Variants in TBXT observed in about 807,000 individuals in gnomAD.
The protein encoded by TBXT is T brachyury transcription factor.
A neutral mutation model predicts 41.1 loss-of-function variants in TBXT; 19 were observed. That is an observed-to-expected ratio of 0.46 (90% CI 0.32 to 0.68). The LOEUF is 0.68. TBXT is among the 30% of genes least tolerant of loss of function. TBXT has a pLI of 0.03. For synonymous variants in TBXT, 213 were observed against 238.9 expected (o/e 0.89, Z 1.00); for missense variants, 536 against 582.0 (o/e 0.92, Z 0.81).
At chr6:166,165,262 G>A (rs937606434) in intron 3 of TBXT, among the ~76,000 whole-genome samples, 8 of 152,152 alleles carry the variant, frequency 5.3e-5, no homozygotes, top group Non-Finnish European at 1.0e-4. Flanking sequence ...GTTGGGCTTA[G>A]GCATAGATTT....
At position 166,167,840 on chromosome 6, in the gene TBXT, G is replaced by T; in HGVS notation, c.-249C>A. 1 of 583,118 alleles carries T rather than the reference G, an allele frequency of 1.7e-6. No individual in the cohort carries two copies. Among genetic ancestry groups the T allele is most frequent in the Non-Finnish European group, 3.1e-6 (1 of 326,380 alleles). 36.1% of individuals were successfully genotyped at this position (583,118 alleles called of 1,614,324 possible). On this transcript the variant is annotated 5_prime_UTR_variant, in exon 1 of 8. Coordinates refer to ENST00000366876, the MANE Select transcript of TBXT (RefSeq NM_001366285.2). Reference sequence around the variant, plus strand: ...ACTTGAACTCCCCAAGGCTCTACTAGTGTAGGTCTCTGGGGACCGAAATTC... The same window carrying T: ...ACTTGAACTCCCCAAGGCTCTACTATTGTAGGTCTCTGGGGACCGAAATTC...
rs762562087 is a variant in TBXT, at chr6:166,167,471, C to A, written c.121G>T (p.Glu41Ter). The change falls in exon 1 of 8, where the codon GAA becomes TAA. Residue 41 changes from glutamate (E) to a stop codon, truncating the protein, a stop_gained. Transcript: ENST00000366876. LOFTEE classifies it high-confidence loss of function. The part of the protein sequence containing the change: ...GSEKGDPTER[E>*]LRVGLEESEL... The stretch of plus-strand genomic sequence containing the variant: ...CTCTCCTCCAGGCCCACGCGCAGTT[C>A]GCGCTCTGTGGGGTCGCCCTTCTCG... 6.2e-7 allele frequency: 1 copy of A among 1,612,392 alleles called. No individual in the cohort carries two copies. The highest frequency in any genetic ancestry group is 8.5e-7 in the Non-Finnish European group (1 of 1,179,940).
intron 4 of TBXT, 56 bp downstream of exon 4, chr6:166,164,744 T>A (rs1779062565): frequency 6.2e-7 from 1 of 1,606,540 alleles, no homozygotes; most frequent in Admixed American, 1.7e-5. Context: ...GCAGCAATAT[T>A]TCATCTTTCT....
At chr6:166,164,990 T>C in intron 3 of TBXT, 129 bp from the exon 4 acceptor site, 1 of 778,764 alleles carries the variant, frequency 1.3e-6, no homozygotes, top group Non-Finnish European at 2.1e-6. Flanking sequence ...TCTTTCCACA[T>C]ACAGTTTTCT....
At chr6:166,165,643 T>TCCACGGAGCAGCACA (rs965985397) in intron 3 of TBXT, 63 bp downstream of exon 3, 2 of 1,611,756 alleles carry the variant, frequency 1.2e-6, no homozygotes, top group Admixed American at 3.3e-5. Flanking sequence ...CTCCAGAATC[T>TCCACGGAGCAGCACA]CCACGGAGCA....
chr6:166,166,442 A>C, intron 2 of TBXT, 150 bp downstream of exon 2: 7 of 1,214,248 alleles, frequency 5.8e-6, no homozygotes, highest in South Asian at 1.4e-5. Flanking sequence ...AAACAGCGCT[A>C]AAGGCCTTAT....
At chr6:166,162,311 TA>T in intron 6 of TBXT, 135 bp downstream of exon 6, 3 of 953,412 alleles carry the variant, frequency 3.1e-6, no homozygotes, top group Non-Finnish European at 4.8e-6. Context: ...CTTGAGCTAC[TA>T]AAAAACTGGG....
At chr6:166,165,534 T>C (rs1779082821) in intron 3 of TBXT, among the ~76,000 whole-genome samples, 172 bp downstream of exon 3, 1 of 152,240 alleles carries the variant, frequency 6.6e-6, no homozygotes, top group South Asian at 2.1e-4. Flanking sequence ...GGACTTAATT[T>C]AAACAGTTCT....
At chr6:166,163,610 C>T (rs1158259548) in intron 5 of TBXT, among the ~76,000 whole-genome samples, 1 of 152,212 alleles carries the variant, frequency 6.6e-6, no homozygotes, top group African/African-American at 2.4e-5. Context: ...CTCTAACTCC[C>T]TGATCTCAAA....
At chr6:166,162,311 T>A in intron 6 of TBXT, 136 bp downstream of exon 6, 1 of 953,420 alleles carries the variant, frequency 1.0e-6, no homozygotes, top group Non-Finnish European at 1.6e-6. Flanking sequence ...CTTGAGCTAC[T>A]AAAAAACTGG....
intron 5 of TBXT, among the ~76,000 whole-genome samples, chr6:166,164,297 G>A (rs1779045266): frequency 6.6e-6 from 1 of 152,010 alleles, no homozygotes; most frequent in South Asian, 2.1e-4. Context: ...TTCTCCTGTT[G>A]CCTACCTAAT....
At position 166,167,415 on chromosome 6, in the gene TBXT, G is replaced by C; in HGVS notation, c.177C>G (p.Thr59=). ...CGTTCTTGGTCACGATCATCTCATT[G>C]GTGAGCTCCTTGAAGCGCAGCCACA... is the stretch of plus-strand genomic sequence containing the variant. ...SELWLRFKEL[T]NEMIVTKNGR... Residue 59 remains threonine (T), a synonymous_variant, in exon 1 of 8, where the codon ACC becomes ACG. Transcript: ENST00000366876. The C allele has an allele frequency of 6.2e-7, 1 of 1,613,200 alleles. No homozygotes were observed. The highest frequency in any genetic ancestry group is 1.1e-5 in the South Asian group (1 of 91,086).
rs569956235 is a variant in TBXT, at chr6:166,165,580, T to C, written c.606+126A>G. The stretch of plus-strand genomic sequence containing the variant: ...TCCATTTCAAGTTCCGGAATATTAT[T>C]TGAAAGGGCAGGAAGCCTTCCTCTC... On this transcript the variant is annotated intron_variant, in intron 3 of 7. Transcript: ENST00000366876. The C allele has an allele frequency of 7.2e-5, 104 of 1,452,772 alleles. No individual in the cohort carries two copies. The African/African-American group carries it at 1.1e-3, about 16-fold the overall frequency. 90.0% of individuals were successfully genotyped at this position (1,452,772 alleles called of 1,614,324 possible). A position where few individuals can be genotyped will look rare whatever the true frequency, so the allele number is the denominator to read the frequency against.
intron 7 of TBXT, among the ~76,000 whole-genome samples, chr6:166,158,974 G>T (rs3127330): frequency 0.76 from 116,150 of 152,092 alleles, 44,669 homozygotes; most frequent in East Asian, 0.89. Flanking sequence ...GGAGTTCAAG[G>T]CCAGCCTGAC....
rs754517228 is a variant in TBXT at position 166,166,836 on chromosome 6, T to C, written c.227A>G (p.Lys76Arg). The C allele has an allele frequency of 1.5e-5, 24 of 1,613,798 alleles. No individual in the cohort carries two copies. The South Asian group carries it at 2.5e-4, about 17-fold the overall frequency. Residue 76 changes from lysine to arginine, a missense_variant, in exon 2 of 8, where the codon AAG becomes AGG. Lys to Arg is a conservative substitution (Grantham distance 26). Transcript: ENST00000366876. Reference protein sequence around the residue: ...KNGRRMFPVLKVNVSGLDPNA... With the variant: ...KNGRRMFPVLRVNVSGLDPNA... ...GGGGTCCAGGCCAGACACGTTCACC[T>C]TCAGCACCGGAAACATCCTCCTGGA...
intron 7 of TBXT, 136 bp from the exon 8 acceptor site, chr6:166,158,724 C>T (rs1194021965): frequency 1.9e-6 from 2 of 1,077,284 alleles, no homozygotes; most frequent in East Asian, 5.3e-5. Flanking sequence ...AGGTCATTTT[C>T]TCCAAATTAT....
chr6:166,166,619 G>A lies in TBXT; in HGVS notation c.444C>T (p.Leu148=), dbSNP rs1779123947. Residue 148 remains leucine (L), a synonymous_variant, in exon 2 of 8, where the codon CTC becomes CTT. Coordinates refer to ENST00000366876, the MANE Select transcript of TBXT (RefSeq NM_001366285.2). ...GGCCCCCTCCGTTGAGCTTGTTGGT[G>A]AGCTTGACTTTGCTGAAGGAGACGG... ...KAPVSFSKVK[L]TNKLNGGGQI... is the part of the protein sequence containing the mutation. 6.2e-7 allele frequency: 1 copy of A among 1,614,074 alleles called. No homozygotes were observed. Among genetic ancestry groups the A allele is most frequent in the African/African-American group, 1.3e-5 (1 of 75,050 alleles).
chr6:166,166,269 G>A (rs1779106699), intron 2 of TBXT, among the ~76,000 whole-genome samples: 1 of 151,860 alleles, frequency 6.6e-6, no homozygotes, highest in Admixed American at 6.5e-5. Flanking sequence ...GTACTGTGGC[G>A]CATGTTTAAA....
At position 166,166,648 on chromosome 6, in the gene TBXT, C is replaced by A. The variant is rs766618894; in HGVS notation, c.415G>T (p.Ala139Ser). 4 of 1,614,090 alleles carry A rather than the reference C, an allele frequency of 2.5e-6. No homozygotes were observed. The highest frequency in any genetic ancestry group is 3.4e-6 in the Non-Finnish European group (4 of 1,180,032). The change falls in exon 2 of 8, where the codon GCT (alanine) becomes TCT (serine). Residue 139 changes from alanine to serine, a missense_variant. Physicochemically the swap from Ala to Ser is moderately conservative, Grantham distance 99. Coordinates refer to ENST00000366876, the MANE Select transcript of TBXT (RefSeq NM_001366285.2). The stretch of plus-strand genomic sequence containing the variant: ...TTGACTTTGCTGAAGGAGACGGGAG[C>A]CTTCATCCAGTGGGCCCCGAAGTTG... ...SPNFGAHWMK[A>S]PVSFSKVKLT...
Sources: gnomAD v4.1 joint callset for allele counts (sites outside exome capture counted in the v4.1 genomes callset) on GRCh38, gnomAD v4.1.1 for gene constraint, MANE v1.5 for transcripts, NCBI Gene and HGNC (gene_info 2026-07-23, HGNC 2026-07-21) for gene names.